The following ATF6 variants were observed in gnomAD, a reference collection of about 807,000 sequenced individuals.
The protein encoded by ATF6 is activating transcription factor 6.
ATF6 carries 53 observed loss-of-function variants against 83.6 expected under a neutral mutation model. The ratio of observed to expected loss-of-function variants is 0.63; its 90% CI spans 0.51 to 0.80. The LOEUF is 0.80. Ranked by LOEUF, ATF6 falls within the 30% of genes least tolerant of loss-of-function variation. The pLI is 0.00. For synonymous variants in ATF6, 288 were observed against 285.8 expected (o/e 1.01, Z -0.08); for missense variants, 744 against 797.9 (o/e 0.93, Z 0.81).
intron 7 of ATF6, among the ~76,000 whole-genome samples, chr1:161,809,161 A>G (rs1025178428): frequency 6.6e-6 from 1 of 152,190 alleles, no homozygotes; most frequent in Non-Finnish European, 1.5e-5. Flanking sequence ...CGTGATTTAC[A>G]TTAGGTATAT....
chr1:161,843,591 T>C (rs1297237794), intron 9 of ATF6, among the ~76,000 whole-genome samples: 1 of 152,164 alleles, frequency 6.6e-6, no homozygotes, highest in Non-Finnish European at 1.5e-5. Context: ...TTCAACTTCC[T>C]TTGAGCCTTC....
intron 15 of ATF6, among the ~76,000 whole-genome samples, chr1:161,941,393 G>A (rs1042454627): frequency 6.6e-6 from 1 of 152,214 alleles, no homozygotes; most frequent in South Asian, 2.1e-4. Flanking sequence ...CTGACTAGAT[G>A]AGTCAGTAGT....
intron 15 of ATF6, 139 bp downstream of exon 15, chr1:161,912,519 G>T: frequency 2.1e-6 from 1 of 473,714 alleles, no homozygotes; most frequent in South Asian, 6.1e-5. Flanking sequence ...TTTTTCCACT[G>T]TTTTATTATT....
At chr1:161,932,527 G>A (rs1688454592) in intron 15 of ATF6, among the ~76,000 whole-genome samples, 1 of 152,144 alleles carries the variant, frequency 6.6e-6, no homozygotes, top group African/African-American at 2.4e-5. Flanking sequence ...ATGATTAAAT[G>A]TAAATTGCAG....
At chr1:161,801,926 T>C in intron 6 of ATF6, 126 bp from the exon 7 acceptor site, 1 of 774,128 alleles carries the variant, frequency 1.3e-6, no homozygotes, top group South Asian at 1.7e-5. Flanking sequence ...ATGTTTTAAT[T>C]GATGGTGTCC....
At chr1:161,879,596 G>A (rs1687284103) in intron 14 of ATF6, among the ~76,000 whole-genome samples, 1 of 152,028 alleles carries the variant, frequency 6.6e-6, no homozygotes. Context: ...AGACCTAACA[G>A]CTAAGCTAAG....
intron 7 of ATF6, among the ~76,000 whole-genome samples, chr1:161,804,008 A>G (rs1469031419): frequency 2.9e-5 from 3 of 104,634 alleles, no homozygotes. Context: ...CCACCCCACA[A>G]CAGTCCCCAG....
At chr1:161,880,746 C>T (rs12026254) in intron 14 of ATF6, among the ~76,000 whole-genome samples, 22,022 of 151,940 alleles carry the variant, frequency 0.14, 2,177 homozygotes, top group East Asian at 0.32. Flanking sequence ...CACTCACTTC[C>T]CTTGTGTAAA....
intron 7 of ATF6, 140 bp downstream of exon 7, chr1:161,802,412 C>T (rs759298497): frequency 1.1e-5 from 8 of 732,260 alleles, no homozygotes; most frequent in Non-Finnish European, 1.8e-5. Flanking sequence ...CTGAATTGCA[C>T]ATCTAGTCTT....
At chr1:161,859,330 T>C (rs775232125) in intron 12 of ATF6, among the ~76,000 whole-genome samples, 4 of 152,246 alleles carry the variant, frequency 2.6e-5, no homozygotes, top group Non-Finnish European at 5.9e-5. Context: ...ATGCTTCTGT[T>C]TTAGCGCTTA....
At chr1:161,788,025 T>C (rs1297531511) in intron 4 of ATF6, among the ~76,000 whole-genome samples, 1 of 152,240 alleles carries the variant, frequency 6.6e-6, no homozygotes, top group Non-Finnish European at 1.5e-5. Context: ...CCATAATGAA[T>C]ATTTTAAAAA....
chr1:161,863,287 C>A lies in ATF6; in HGVS notation c.1694C>A (p.Thr565Lys). 2 of 1,611,506 alleles carry A rather than the reference C, an allele frequency of 1.2e-6. No individual in the cohort carries two copies. The highest frequency in any genetic ancestry group is 8.5e-7 in the Non-Finnish European group (1 of 1,177,790). ...FFEAIRRRGD[T>K]FYVVSFRRDH... Reference sequence around the variant, plus strand: ...GAAGCCATCCGCAGAAGGGGAGACACATTTTATGTTGTGTCATTTCGAAGG... The same window carrying A: ...GAAGCCATCCGCAGAAGGGGAGACAAATTTTATGTTGTGTCATTTCGAAGG... The change falls in exon 14 of 16, where the codon ACA becomes AAA. Residue 565 changes from threonine to lysine, a missense_variant. Thr to Lys is a moderately conservative substitution (Grantham distance 78, BLOSUM62 -1). Transcript: ENST00000367942.
intron 14 of ATF6, among the ~76,000 whole-genome samples, chr1:161,899,285 GT>G (rs1687735771): frequency 6.6e-6 from 1 of 152,190 alleles, no homozygotes; most frequent in African/African-American, 2.4e-5. Context: ...ACAGCTGCAA[GT>G]TATTCCAAAC....
At chr1:161,844,431 G>A (rs769192024) in intron 9 of ATF6, among the ~76,000 whole-genome samples, 130 of 152,166 alleles carry the variant, frequency 8.5e-4, no homozygotes, top group Admixed American at 3.5e-3. Context: ...AAAGGTGGAA[G>A]TTTTTTTGTT....
chr1:161,843,719 TTTTGAC>T (rs1372702754), intron 9 of ATF6, among the ~76,000 whole-genome samples: 4 of 152,174 alleles, frequency 2.6e-5, no homozygotes, highest in Middle Eastern at 3.2e-3. Context: ...AGATGGGAAA[TTTTGAC>T]CTAGGTGGTA....
At chr1:161,785,929 T>C (rs752083039) in intron 4 of ATF6, among the ~76,000 whole-genome samples, 2 of 152,162 alleles carry the variant, frequency 1.3e-5, no homozygotes, top group African/African-American at 2.4e-5. Flanking sequence ...TTAAGGCCTA[T>C]TTGCATTTCT....
chr1:161,957,925 A>C (rs532441398), intron 15 of ATF6, among the ~76,000 whole-genome samples: 19 of 152,324 alleles, frequency 1.2e-4, no homozygotes, highest in African/African-American at 4.6e-4. Context: ...CATAGTTGGA[A>C]GTGTCTTAAT....
At chr1:161,805,119 T>TTG (rs1685247323) in intron 7 of ATF6, among the ~76,000 whole-genome samples, 1 of 152,184 alleles carries the variant, frequency 6.6e-6, no homozygotes, top group Non-Finnish European at 1.5e-5. Flanking sequence ...AGTCTCAATG[T>TTG]ATGAATGTCT....
Position 161,792,216 on chromosome 1 carries a change from CAAACA to C in ATF6, c.580_584del (p.Thr194LeufsTer34). Reference sequence around the variant, plus strand: ...ATTGCTTCCAGCAGCACCCAAGACTCAAACAAACTCCAGTGTTCCAGCAAAAACCA... The same window carrying C: ...ATTGCTTCCAGCAGCACCCAAGACTCAACTCCAGTGTTCCAGCAAAAACCA... On this transcript the variant is annotated frameshift_variant, in exon 6 of 16. Coordinates refer to ENST00000367942, the MANE Select transcript of ATF6 (RefSeq NM_007348.4). LOFTEE classifies it high-confidence loss of function. 3 of 1,614,144 alleles carry C rather than the reference CAAACA, an allele frequency of 1.9e-6. No individual in the cohort carries two copies. The highest frequency in any genetic ancestry group is 8.5e-7 in the Non-Finnish European group (1 of 1,179,986).
Sources: allele counts gnomAD v4.1 joint callset (sites outside exome capture counted in the v4.1 genomes callset), GRCh38; gene constraint gnomAD v4.1.1; transcripts MANE v1.5; gene names NCBI Gene and HGNC (gene_info 2026-07-23, HGNC 2026-07-21).